ARSB: variants seen among roughly 807,000 people sequenced by gnomAD.
The protein encoded by ARSB is N-acetylgalactosamine-4-sulfatase.
ARSB carries 41 observed loss-of-function variants against 50.9 expected under a neutral mutation model. That is an observed-to-expected ratio of 0.81 (90% confidence interval 0.63 to 1.04). The LOEUF (loss-of-function observed/expected upper bound fraction) is 1.04, where lower values mean the gene tolerates loss of function less well. ARSB is among the 50% of genes least tolerant of loss of function. The probability of loss-of-function intolerance (pLI) is 0.00; values close to 1 mark genes in which losing one functional copy is unlikely to be tolerated. For missense variants in ARSB, 672 were observed against 693.3 expected (o/e 0.97, Z 0.35); for synonymous variants, 269 against 284.8 (o/e 0.94, Z 0.56).
chr5:78,977,166 C>T (rs74772620), intron 1 of ARSB, among the ~76,000 whole-genome samples: 22,030 of 142,710 alleles, frequency 0.15, 1,924 homozygotes, highest in Non-Finnish European at 0.2. Flanking sequence ...CCCACTTCCC[C>T]CCCGCGAGAT....
Position 78,785,925 on chromosome 5 carries a change from C to T in ARSB, c.1214-3951G>A, listed in dbSNP as rs188756459. On this transcript the variant is annotated intron_variant, in intron 6 of 7. Transcript: ENST00000264914. Reference sequence around the variant, plus strand: ...TGCAGAAGAAGGGTCAGAGAGGTGGCAACTTTTCCTTCTAATCAATAGGGA... The same window carrying T: ...TGCAGAAGAAGGGTCAGAGAGGTGGTAACTTTTCCTTCTAATCAATAGGGA... Among the ~76,000 whole-genome samples, 22 of 152,218 alleles carry T rather than the reference C, an allele frequency of 1.4e-4. No individual in the cohort carries two copies. In the East Asian group the frequency reaches 4.2e-3, roughly 29 times the overall value.
intron 4 of ARSB, among the ~76,000 whole-genome samples, chr5:78,939,282 C>CT (rs11339765): frequency 5.7e-4 from 84 of 148,410 alleles, no homozygotes; most frequent in Admixed American, 1.1e-3. Context: ...CTATGTATTT[C>CT]TTTTTTTTTT....
chr5:78,847,675 T>C (rs1745507955), intron 5 of ARSB, among the ~76,000 whole-genome samples: 1 of 152,222 alleles, frequency 6.6e-6, no homozygotes, highest in African/African-American at 2.4e-5. Context: ...AATTCTGCAA[T>C]GAGGTCATCA....
intron 5 of ARSB, among the ~76,000 whole-genome samples, chr5:78,873,659 C>G (rs1747343348): frequency 6.6e-6 from 1 of 150,566 alleles, no homozygotes; most frequent in Non-Finnish European, 1.5e-5. Context: ...CTACGCCCGG[C>G]TAATTTTTTG....
intron 4 of ARSB, among the ~76,000 whole-genome samples, chr5:78,916,451 G>A (rs945210998): frequency 2.6e-5 from 4 of 152,232 alleles, no homozygotes; most frequent in Non-Finnish European, 1.5e-5. Flanking sequence ...CCTGTCTTCC[G>A]GGAAAATGCA....
At chr5:78,923,895 A>C (rs1309466761) in intron 4 of ARSB, among the ~76,000 whole-genome samples, 1 of 152,130 alleles carries the variant, frequency 6.6e-6, no homozygotes, top group African/African-American at 2.4e-5. Context: ...CCTGCTTTCC[A>C]AATGTACATT....
At chr5:78,852,526 T>C (rs1359404682) in intron 5 of ARSB, among the ~76,000 whole-genome samples, 1 of 152,272 alleles carries the variant, frequency 6.6e-6, no homozygotes, top group Non-Finnish European at 1.5e-5. Context: ...AATCTGACAA[T>C]TATGTGTCTT....
chr5:78,806,806 G>T (rs1580987314), intron 6 of ARSB, among the ~76,000 whole-genome samples: 1 of 152,312 alleles, frequency 6.6e-6, no homozygotes, highest in African/African-American at 2.4e-5. Context: ...CTTCCTTCAA[G>T]TCACACCACC....
chr5:78,802,442 C>T (rs559051792), intron 6 of ARSB, among the ~76,000 whole-genome samples: 5 of 152,064 alleles, frequency 3.3e-5, no homozygotes, highest in African/African-American at 4.8e-5. Context: ...CACCTAGCAC[C>T]GTGTGGGTGT....
chr5:78,834,625 A>ATATATATG (rs2112704918), intron 6 of ARSB, among the ~76,000 whole-genome samples: 1 of 127,994 alleles, frequency 7.8e-6, no homozygotes, highest in African/African-American at 3.6e-5. Context: ...ATATATATAT[A>ATATATATG]TATATATATA....
At chr5:78,835,932 C>T (rs943373104) in intron 6 of ARSB, among the ~76,000 whole-genome samples, 4 of 152,160 alleles carry the variant, frequency 2.6e-5, no homozygotes, top group African/African-American at 9.7e-5. Flanking sequence ...CACAGAAATG[C>T]TTCTGTGATA....
intron 6 of ARSB, among the ~76,000 whole-genome samples, chr5:78,792,918 G>A (rs1743027470): frequency 6.6e-6 from 1 of 152,096 alleles, no homozygotes; most frequent in Non-Finnish European, 1.5e-5. Flanking sequence ...ATTATGTGGG[G>A]AATATGTGGT....
At chr5:78,898,146 T>C (rs1748656193) in intron 4 of ARSB, among the ~76,000 whole-genome samples, 1 of 152,058 alleles carries the variant, frequency 6.6e-6, no homozygotes, top group East Asian at 1.9e-4. Flanking sequence ...CAGGCACCTA[T>C]AATCCAAGCT....
intron 5 of ARSB, among the ~76,000 whole-genome samples, chr5:78,848,030 TA>T (rs1745530761): frequency 1.3e-5 from 2 of 151,582 alleles, no homozygotes; most frequent in South Asian, 4.1e-4. Context: ...TCTTTTGTAT[TA>T]TTTTTTAGCG....
At chr5:78,868,542 A>C (rs964291310) in intron 5 of ARSB, among the ~76,000 whole-genome samples, 11 of 135,588 alleles carry the variant, frequency 8.1e-5, no homozygotes, top group African/African-American at 3.1e-4. Context: ...TCAACCCAGA[A>C]TTTCATATCC....
chr5:78,835,204 A>G (rs994813652), intron 6 of ARSB, among the ~76,000 whole-genome samples: 6 of 152,108 alleles, frequency 3.9e-5, no homozygotes, highest in Admixed American at 3.9e-4. Context: ...TACTGTTAGT[A>G]TCCAAGCCAC....
intron 5 of ARSB, among the ~76,000 whole-genome samples, chr5:78,860,220 G>T (rs2112094770): frequency 6.6e-6 from 1 of 152,174 alleles, no homozygotes; most frequent in African/African-American, 2.4e-5. Flanking sequence ...GTTGACAGTG[G>T]GGTGTTAAAG....
At chr5:78,950,100 T>C (rs1393166361) in intron 4 of ARSB, among the ~76,000 whole-genome samples, 1 of 152,160 alleles carries the variant, frequency 6.6e-6, no homozygotes, top group East Asian at 1.9e-4. Context: ...TGCAGGTTCC[T>C]GGAATTTAGC....
intron 4 of ARSB, among the ~76,000 whole-genome samples, chr5:78,954,086 T>A (rs1312074026): frequency 4.8e-5 from 7 of 145,400 alleles, no homozygotes; most frequent in African/African-American, 7.6e-5. Context: ...AGAAGAAAAA[T>A]AAAGAAAACA....
Sources: allele counts gnomAD v4.1 joint callset (sites outside exome capture counted in the v4.1 genomes callset), GRCh38; gene constraint gnomAD v4.1.1; transcripts MANE v1.5; gene names NCBI Gene and HGNC (gene_info 2026-07-23, HGNC 2026-07-21).